The following CNBD1 variants were observed in gnomAD, a reference collection of about 807,000 sequenced individuals.
The protein encoded by CNBD1 is cyclic nucleotide-binding domain-containing protein 1.
A neutral mutation model predicts 54.4 loss-of-function variants in CNBD1; 71 were observed. That is an observed-to-expected ratio of 1.30 (90% confidence interval 1.08 to 1.59). The LOEUF (loss-of-function observed/expected upper bound fraction) is 1.59, where lower values mean the gene tolerates loss of function less well. Ranked by LOEUF, CNBD1 falls within the 40% of genes most tolerant of loss-of-function variation. The pLI is 0.00. For missense variants in CNBD1, 659 were observed against 518.0 expected (o/e 1.27, Z -2.64); for synonymous variants, 182 against 170.7 (o/e 1.07, Z -0.51).
At chr8:87,370,209 G>A (rs889096808) in intron 10 of CNBD1, among the ~76,000 whole-genome samples, 1 of 151,920 alleles carries the variant, frequency 6.6e-6, no homozygotes, top group Non-Finnish European at 1.5e-5. Flanking sequence ...TGTCTTTATA[G>A]CAGCATGATT....
intron 10 of CNBD1, among the ~76,000 whole-genome samples, chr8:87,361,743 A>G (rs1810528330): frequency 6.7e-6 from 1 of 150,298 alleles, no homozygotes; most frequent in Non-Finnish European, 1.5e-5. Flanking sequence ...TTTGGCTAAT[A>G]TGTCATCCCC....
At chr8:87,081,357 G>A (rs1181339153) in intron 4 of CNBD1, among the ~76,000 whole-genome samples, 1 of 152,070 alleles carries the variant, frequency 6.6e-6, no homozygotes, top group Non-Finnish European at 1.5e-5. Context: ...TGAGATAAGA[G>A]AACATACTTC....
intron 4 of CNBD1, among the ~76,000 whole-genome samples, chr8:87,077,311 T>A (rs187527424): frequency 3.3e-5 from 5 of 152,094 alleles, no homozygotes; most frequent in Admixed American, 6.5e-5. Flanking sequence ...GGATTCTTAG[T>A]GAGGGTTCTC....
chr8:87,047,212 A>G (rs1425452397), intron 4 of CNBD1, among the ~76,000 whole-genome samples: 1 of 151,972 alleles, frequency 6.6e-6, no homozygotes, highest in Non-Finnish European at 1.5e-5. Context: ...CATTCTATCA[A>G]CTTCACCTAG....
intron 3 of CNBD1, among the ~76,000 whole-genome samples, chr8:86,907,690 C>CA (rs112383415): frequency 6.2e-4 from 92 of 148,432 alleles, no homozygotes; most frequent in Middle Eastern, 6.9e-3. Flanking sequence ...AACAAAAAAA[C>CA]AAAAAAAAAC....
At chr8:87,248,072 GTGT>G (rs1391553455) in intron 6 of CNBD1, among the ~76,000 whole-genome samples, 2 of 150,728 alleles carry the variant, frequency 1.3e-5, no homozygotes, top group South Asian at 2.1e-4. Flanking sequence ...TGCAGCTGTG[GTGT>G]TGTTGGTTGG....
At chr8:87,048,400 C>T (rs955494772) in intron 4 of CNBD1, among the ~76,000 whole-genome samples, 1 of 152,158 alleles carries the variant, frequency 6.6e-6, no homozygotes, top group Non-Finnish European at 1.5e-5. Context: ...AGTAAAGCCA[C>T]GGGACGAAGA....
In CNBD1 at chr8:87,270,444, A is replaced by G. The variant is rs574584085; in HGVS notation, c.772-14234A>G. 4.6e-5 allele frequency among the ~76,000 whole-genome samples: 7 copies of G among 152,110 alleles called. No individual in the cohort carries two copies. The South Asian group carries it at 1.4e-3, about 32-fold the overall frequency. ...TCTCACGCCAGTCAGAATAGCTATT[A>G]TTAAAAGTCAACAAATAACAGATTC... On this transcript the variant is annotated intron_variant, in intron 6 of 10. Coordinates refer to ENST00000518476, the MANE Select transcript of CNBD1 (RefSeq NM_173538.3).
intron 4 of CNBD1, among the ~76,000 whole-genome samples, chr8:86,957,816 T>C (rs189194705): frequency 3.3e-5 from 5 of 152,306 alleles, no homozygotes; most frequent in Non-Finnish European, 7.3e-5. Flanking sequence ...GATTTTTTTG[T>C]GTCTCTATCT....
intron 4 of CNBD1, among the ~76,000 whole-genome samples, chr8:87,149,230 A>G (rs1812551183): frequency 6.6e-6 from 1 of 152,230 alleles, no homozygotes; most frequent in Admixed American, 6.5e-5. Flanking sequence ...TACTGATTTC[A>G]TAAAGGAAAA....
intron 5 of CNBD1, among the ~76,000 whole-genome samples, chr8:87,208,057 T>C (rs182036500): frequency 1.1e-4 from 16 of 152,282 alleles, no homozygotes; most frequent in African/African-American, 3.9e-4. Context: ...TGTATGTGTT[T>C]CCCTCCCTCT....
chr8:87,161,003 G>T (rs1033662174), intron 4 of CNBD1, among the ~76,000 whole-genome samples: 1 of 152,028 alleles, frequency 6.6e-6, no homozygotes, highest in Non-Finnish European at 1.5e-5. Flanking sequence ...CATCATCAAT[G>T]TTGTCTTCAT....
chr8:86,995,973 C>T (rs1420572516), intron 4 of CNBD1, among the ~76,000 whole-genome samples: 1 of 152,108 alleles, frequency 6.6e-6, no homozygotes, highest in African/African-American at 2.4e-5. Context: ...GTCTAAATCC[C>T]TATCGATATT....
chr8:87,019,793 G>A (rs915814340), intron 4 of CNBD1, among the ~76,000 whole-genome samples: 9 of 152,184 alleles, frequency 5.9e-5, no homozygotes, highest in South Asian at 2.1e-4. Flanking sequence ...CAGGAGAATC[G>A]CTTGAACCCA....
At chr8:86,994,149 A>T (rs866621173) in intron 4 of CNBD1, among the ~76,000 whole-genome samples, 40 of 152,224 alleles carry the variant, frequency 2.6e-4, no homozygotes, top group African/African-American at 8.4e-4. Flanking sequence ...ATCTTTGCTC[A>T]GCATTCCCAA....
intron 6 of CNBD1, among the ~76,000 whole-genome samples, chr8:87,281,600 A>G (rs28699987): frequency 0.34 from 32,544 of 94,426 alleles, 5,891 homozygotes; most frequent in African/African-American, 0.45. Flanking sequence ...ATATATATAT[A>G]TAACTAATTT....
intron 8 of CNBD1, among the ~76,000 whole-genome samples, chr8:87,304,533 GT>G (rs1809099962): frequency 6.6e-6 from 1 of 152,172 alleles, no homozygotes; most frequent in East Asian, 1.9e-4. Context: ...TATACCTAAT[GT>G]TAAGTGATGA....
At chr8:86,903,607 AT>A (rs1808971796) in intron 2 of CNBD1, among the ~76,000 whole-genome samples, 1 of 152,072 alleles carries the variant, frequency 6.6e-6, no homozygotes, top group African/African-American at 2.4e-5. Context: ...TTTGGAGTCA[AT>A]TTAGTTTTCA....
In CNBD1 at chr8:87,343,052, T is replaced by C. The variant is rs530077888; in HGVS notation, c.1043-8633T>C. 5.3e-5 allele frequency among the ~76,000 whole-genome samples: 8 copies of C among 152,242 alleles called. No individual in the cohort carries two copies. The East Asian group carries it at 1.5e-3, about 29-fold the overall frequency. ...CCATCTATAGACCTACCCCCAGGAA[T>C]GCATTCCTTCCCCAGGGTTATTCCT... On this transcript the variant is annotated intron_variant, in intron 8 of 10. Coordinates refer to ENST00000518476, the MANE Select transcript of CNBD1 (RefSeq NM_173538.3).
Sources: gnomAD v4.1 joint callset for allele counts (sites outside exome capture counted in the v4.1 genomes callset) on GRCh38, gnomAD v4.1.1 for gene constraint, MANE v1.5 for transcripts, NCBI Gene and HGNC (gene_info 2026-07-23, HGNC 2026-07-21) for gene names.